SND1: variants seen among roughly 807,000 people sequenced by gnomAD.
SND1 encodes staphylococcal nuclease and tudor domain containing 1.
Under a neutral mutation model 121.7 loss-of-function variants are expected in SND1, and 38 were observed. The ratio of observed to expected loss-of-function variants is 0.31; its 90% confidence interval spans 0.24 to 0.41. The LOEUF is 0.41. Ranked by LOEUF, SND1 falls within the 10% of genes least tolerant of loss-of-function variation. The pLI, the probability that SND1 is intolerant of heterozygous loss-of-function variation, is 1.00. For synonymous variants in SND1, 401 were observed against 447.4 expected (o/e 0.90, Z 1.31); for missense variants, 868 against 1,184.6 (o/e 0.73, Z 3.92).
intron 16 of SND1, among the ~76,000 whole-genome samples, chr7:128,060,502 C>T (rs1253474243): frequency 1.3e-5 from 2 of 152,200 alleles, no homozygotes; most frequent in Non-Finnish European, 2.9e-5. Context: ...TCTTCACAAG[C>T]ACCTGCTTAA....
chr7:127,701,867 C>T (rs1796110896), intron 5 of SND1, among the ~76,000 whole-genome samples: 1 of 152,218 alleles, frequency 6.6e-6, no homozygotes, highest in Non-Finnish European at 1.5e-5. Context: ...CTATACACCA[C>T]TTCATCTGTG....
intron 1 of SND1, among the ~76,000 whole-genome samples, chr7:127,679,848 T>C (rs1795683577): frequency 6.6e-6 from 1 of 152,238 alleles, no homozygotes; most frequent in Admixed American, 6.5e-5. Context: ...GATGAACATT[T>C]ATTGTTTTCT....
rs185991428 is a variant in SND1 at position 127,743,521 on chromosome 7, T to G, written c.1152+22121T>G. 2.0e-5 allele frequency among the ~76,000 whole-genome samples: 3 copies of G among 152,336 alleles called. No homozygotes were observed. In the East Asian group the frequency reaches 5.8e-4, roughly 29 times the overall value. On this transcript the variant is annotated intron_variant, in intron 10 of 23. Coordinates refer to ENST00000354725, the MANE Select transcript of SND1 (RefSeq NM_014390.4). ...CATTTAAAGGTCACCACCCTCTCTCTCCTTCTCTTCCCTCCTCTGTCCTCA... is the reference window on the plus strand; with the variant it reads ...CATTTAAAGGTCACCACCCTCTCTCGCCTTCTCTTCCCTCCTCTGTCCTCA...
chr7:127,821,008 G>A (rs1354079531), intron 11 of SND1, among the ~76,000 whole-genome samples: 1 of 152,174 alleles, frequency 6.6e-6, no homozygotes, highest in Non-Finnish European at 1.5e-5. Context: ...TTAAGTTTTT[G>A]CTTGATGGTT....
At chr7:128,008,085 G>A (rs1803027312) in intron 16 of SND1, 1 of 152,224 alleles carries the variant, frequency 6.6e-6, no homozygotes, top group South Asian at 2.1e-4. Context: ...GTAATAATTT[G>A]AGAATATGAC....
rs761382928 is a variant in SND1 at position 128,029,929 on chromosome 7, A to G, written c.1779+38873A>G. On this transcript the variant is annotated intron_variant, in intron 16 of 23. Transcript: ENST00000354725. This position sits in a 1 kb window ranked among gnomAD's most constrained non-coding sequence, Gnocchi z 4.2. ...TTCTTGAGGGAGCTCAGGCCATGGA[A>G]GGAGCCAGGCCTGATCTCAGGGAAG... 40 of 1,613,084 alleles carry G rather than the reference A, an allele frequency of 2.5e-5. No individual in the cohort carries two copies. Among genetic ancestry groups the G allele is most frequent in the Non-Finnish European group, 2.9e-5 (34 of 1,180,030 alleles).
intron 12 of SND1, among the ~76,000 whole-genome samples, chr7:127,851,362 G>A (rs573869295): frequency 6.6e-6 from 1 of 152,210 alleles, no homozygotes; most frequent in Admixed American, 6.5e-5. Context: ...CCCCAAATCT[G>A]TTTATGTTGT....
intron 15 of SND1, among the ~76,000 whole-genome samples, chr7:127,989,990 G>T (rs1802484916): frequency 6.6e-6 from 1 of 152,128 alleles, no homozygotes; most frequent in Admixed American, 6.5e-5. Context: ...CCTGTGGTTG[G>T]ATACAAAAAA....
chr7:127,838,866 G>A (rs1798914014), intron 11 of SND1, among the ~76,000 whole-genome samples: 1 of 152,170 alleles, frequency 6.6e-6, no homozygotes, highest in African/African-American at 2.4e-5. Flanking sequence ...GCCAGACACT[G>A]CCCTAAGAAA....
intron 10 of SND1, among the ~76,000 whole-genome samples, 180 bp from the exon 11 acceptor site, chr7:127,807,304 C>T (rs917734117): frequency 3.3e-5 from 5 of 152,112 alleles, no homozygotes; most frequent in African/African-American, 1.2e-4. Context: ...AAAAGGTAGC[C>T]CTATTCTCAG....
chr7:127,911,575 G>A lies in SND1; in HGVS notation c.1527+6756G>A, dbSNP rs60585736. On this transcript the variant is annotated intron_variant, in intron 14 of 23. Coordinates refer to ENST00000354725, the MANE Select transcript of SND1 (RefSeq NM_014390.4). ...CTCCCTCTGTTGCCCAGGCTGGAGT[G>A]CAGTGGCGCCATCTCAGCTCACTGC... 5.3e-4 allele frequency among the ~76,000 whole-genome samples: 81 copies of A among 152,172 alleles called. 1 individual carries two copies. The East Asian group carries it at 0.015, about 27-fold the overall frequency.
chr7:127,841,250 A>G (rs1272099826), intron 11 of SND1, among the ~76,000 whole-genome samples: 1 of 151,240 alleles, frequency 6.6e-6, no homozygotes. Flanking sequence ...GCACAAGGTA[A>G]CCTTGAGATT....
At chr7:128,007,126 A>G (rs1802998907) in intron 16 of SND1, among the ~76,000 whole-genome samples, 1 of 152,176 alleles carries the variant, frequency 6.6e-6, no homozygotes, top group Non-Finnish European at 1.5e-5. Flanking sequence ...GGTTAATTAC[A>G]TGTGAAGCTG....
chr7:127,936,943 A>T (rs1801073836), intron 15 of SND1, among the ~76,000 whole-genome samples: 1 of 152,162 alleles, frequency 6.6e-6, no homozygotes. Context: ...CCCTTATTAG[A>T]TCTTAGGTAT....
At chr7:127,842,527 C>G (rs1798982853) in intron 11 of SND1, among the ~76,000 whole-genome samples, 1 of 152,126 alleles carries the variant, frequency 6.6e-6, no homozygotes, top group Non-Finnish European at 1.5e-5. Flanking sequence ...TTCATCTAGT[C>G]CATTCTATCT....
At chr7:127,804,800 G>C (rs972824720) in intron 10 of SND1, among the ~76,000 whole-genome samples, 13 of 151,954 alleles carry the variant, frequency 8.6e-5, no homozygotes, top group African/African-American at 2.9e-4. Flanking sequence ...AAATCATAAG[G>C]CTATGTAAGG....
chr7:127,874,703 AAAG>A (rs1472208159), intron 12 of SND1, among the ~76,000 whole-genome samples: 1 of 152,162 alleles, frequency 6.6e-6, no homozygotes, highest in Non-Finnish European at 1.5e-5. Context: ...TCCTGAGAAA[AAAG>A]AAGGGGTCAT....
chr7:128,031,715 C>A (rs1792610185), intron 16 of SND1: 1 of 143,456 alleles, frequency 7.0e-6, no homozygotes, highest in East Asian at 2.1e-4. Context: ...TTCAGAGAGT[C>A]CGGGGGCGGG....
At chr7:127,915,837 C>A (rs1584663732) in intron 14 of SND1, among the ~76,000 whole-genome samples, 1 of 152,172 alleles carries the variant, frequency 6.6e-6, no homozygotes, top group East Asian at 1.9e-4. Flanking sequence ...TTTGTGTTCA[C>A]AATGGAAGAC....
Sources: allele counts gnomAD v4.1 joint callset (sites outside exome capture counted in the v4.1 genomes callset), GRCh38; gene constraint gnomAD v4.1.1; non-coding constraint Gnocchi (gnomAD v3.1); transcripts MANE v1.5; gene names NCBI Gene and HGNC (gene_info 2026-07-23, HGNC 2026-07-21).